The following PRELID2 variants were observed in gnomAD, a reference collection of about 807,000 sequenced individuals.
The protein encoded by PRELID2 is PRELI domain containing 2, also known as PRELI domain-containing protein 2.
PRELID2 carries 25 observed loss-of-function variants against 28.4 expected under a neutral mutation model. That is an observed-to-expected ratio of 0.88 (90% CI 0.64 to 1.23). The LOEUF is 1.23. PRELID2 is among the 50% of genes most tolerant of loss of function. The pLI is 0.00. For synonymous variants in PRELID2, 76 were observed against 71.6 expected (o/e 1.06, Z -0.31); for missense variants, 201 against 214.4 (o/e 0.94, Z 0.39).
intron 1 of PRELID2, among the ~76,000 whole-genome samples, chr5:145,680,962 G>C (rs1211740967): frequency 1.3e-5 from 2 of 152,172 alleles, no homozygotes; most frequent in Non-Finnish European, 2.9e-5. Context: ...ATCCAGCCAG[G>C]GCTGGGAAGG....
chr5:145,270,309 C>G, the PRELID2 span, among the ~76,000 whole-genome samples: 1 of 151,994 alleles, frequency 6.6e-6, no homozygotes, highest in African/African-American at 2.4e-5. Context: ...TATAGCAGCT[C>G]AAAACTAGAA....
At chr5:145,676,165 A>G (rs1355358144) in intron 1 of PRELID2, among the ~76,000 whole-genome samples, 1 of 149,900 alleles carries the variant, frequency 6.7e-6, no homozygotes, top group Non-Finnish European at 1.5e-5. Context: ...GGTTGCGGTG[A>G]GCCCAGATCG....
intron 1 of PRELID2, among the ~76,000 whole-genome samples, chr5:145,564,365 A>G (rs1469096023): frequency 2.0e-5 from 3 of 152,176 alleles, no homozygotes; most frequent in East Asian, 3.9e-4. Flanking sequence ...TTCTGCCACT[A>G]TGCTCCAGCC....
the PRELID2 span, among the ~76,000 whole-genome samples, chr5:145,439,292 A>T: frequency 6.6e-6 from 1 of 152,038 alleles, no homozygotes; most frequent in South Asian, 2.1e-4. Flanking sequence ...TAGGAATCGG[A>T]TGATTTGGCA....
At chr5:145,268,013 A>G in the PRELID2 span, among the ~76,000 whole-genome samples, 1 of 151,940 alleles carries the variant, frequency 6.6e-6, no homozygotes, top group African/African-American at 2.4e-5. Context: ...ATTTTTATAG[A>G]TAATTCTTAT....
chr5:145,560,203 T>C (rs1364733390), intron 1 of PRELID2, among the ~76,000 whole-genome samples: 1 of 152,208 alleles, frequency 6.6e-6, no homozygotes, highest in Non-Finnish European at 1.5e-5. Context: ...TTTGCACCAT[T>C]GTAAAATCAG....
the PRELID2 span, among the ~76,000 whole-genome samples, chr5:145,269,856 T>TTA: frequency 2.0e-5 from 3 of 147,474 alleles, no homozygotes; most frequent in African/African-American, 5.0e-5. Context: ...AAATTCAATT[T>TTA]TATATATATA....
the PRELID2 span, chr5:145,228,993 AT>A: frequency 6.3e-7 from 1 of 1,599,790 alleles, no homozygotes; most frequent in Non-Finnish European, 8.5e-7. Context: ...AAAGGTGTTC[AT>A]TGAGGATGTC....
chr5:145,746,213 A>G (rs960163596), intron 1 of PRELID2, among the ~76,000 whole-genome samples: 1 of 152,248 alleles, frequency 6.6e-6, no homozygotes, highest in African/African-American at 2.4e-5. Flanking sequence ...TAAAAGACAC[A>G]GATTGGCAAA....
chr5:145,699,906 C>T (rs1755368795), intron 1 of PRELID2, among the ~76,000 whole-genome samples: 1 of 152,146 alleles, frequency 6.6e-6, no homozygotes, highest in Non-Finnish European at 1.5e-5. Context: ...TTCCTGGTCC[C>T]AAAGGGGTCA....
At chr5:145,802,294 T>C (rs1753187265) in intron 4 of PRELID2, among the ~76,000 whole-genome samples, 1 of 152,204 alleles carries the variant, frequency 6.6e-6, no homozygotes, top group South Asian at 2.1e-4. Context: ...CACAAGTATC[T>C]CTGGAGTATC....
At chr5:145,761,527 A>G (rs1433470658) in intron 6 of PRELID2, among the ~76,000 whole-genome samples, 7 of 152,204 alleles carry the variant, frequency 4.6e-5, no homozygotes, top group Non-Finnish European at 1.0e-4. Context: ...ATCAAACACT[A>G]TATTTTGAAA....
At chr5:145,488,039 G>C (rs1398948335) in intron 1 of PRELID2, among the ~76,000 whole-genome samples, 1 of 145,132 alleles carries the variant, frequency 6.9e-6, no homozygotes, top group East Asian at 2.1e-4. Flanking sequence ...CAGGAGAATC[G>C]CTTGAACCCG....
chr5:145,741,510 TATAA>T (rs1423318646), intron 1 of PRELID2, among the ~76,000 whole-genome samples: 13 of 123,720 alleles, frequency 1.1e-4, no homozygotes, highest in South Asian at 2.4e-4. Context: ...AAAATTTATT[TATAA>T]ATAATTTATT....
intron 1 of PRELID2, among the ~76,000 whole-genome samples, chr5:145,747,233 A>G (rs536847264): frequency 6.6e-6 from 1 of 151,942 alleles, no homozygotes; most frequent in Admixed American, 6.6e-5. Flanking sequence ...AAAAAAAAAA[A>G]TCGATGACTC....
intron 1 of PRELID2, among the ~76,000 whole-genome samples, chr5:145,747,375 C>T (rs1757019574): frequency 6.6e-6 from 1 of 151,962 alleles, no homozygotes; most frequent in Non-Finnish European, 1.5e-5. Context: ...ATATAAATTA[C>T]CATCAGAGAA....
chr5:145,407,009 G>C, the PRELID2 span, among the ~76,000 whole-genome samples: 1 of 152,134 alleles, frequency 6.6e-6, no homozygotes, highest in Non-Finnish European at 1.5e-5. Flanking sequence ...AATTAGGGTG[G>C]GGTCACAGGT....
the PRELID2 span, among the ~76,000 whole-genome samples, chr5:145,231,827 G>A: frequency 1.5e-4 from 23 of 152,052 alleles, no homozygotes; most frequent in African/African-American, 5.6e-4. Flanking sequence ...CTATGAGTCA[G>A]GATATTTAAG....
At chr5:145,521,811 A>C (rs1752565349) in intron 1 of PRELID2, among the ~76,000 whole-genome samples, 1 of 152,162 alleles carries the variant, frequency 6.6e-6, no homozygotes, top group East Asian at 1.9e-4. Flanking sequence ...ACACCAGATC[A>C]ATCCTCCTCT....
Sources: allele counts gnomAD v4.1 joint callset (sites outside exome capture counted in the v4.1 genomes callset), GRCh38; gene constraint gnomAD v4.1.1; transcripts MANE v1.5; gene names NCBI Gene and HGNC (gene_info 2026-07-23, HGNC 2026-07-21).